ANTXR1: variants seen among roughly 807,000 people sequenced by gnomAD.
ANTXR1 encodes the protein anthrax toxin receptor 1.
ANTXR1 carries 19 observed loss-of-function variants against 78.1 expected under a neutral mutation model. The ratio of observed to expected loss-of-function variants is 0.24; its 90% confidence interval spans 0.17 to 0.36. The LOEUF (loss-of-function observed/expected upper bound fraction) is 0.36. Among genes scored for constraint, ANTXR1 ranks in the 10% least tolerant of loss-of-function variants. ANTXR1 has a pLI of 1.00. For missense variants in ANTXR1, 518 were observed against 718.6 expected, an observed-to-expected ratio of 0.72 and a Z score of 3.19; for synonymous variants, 273 against 260.5, an observed-to-expected ratio of 1.05 and a Z score of -0.46.
At chr2:69,118,759 G>GGTGCA (rs1672241303) in intron 10 of ANTXR1, among the ~76,000 whole-genome samples, 1 of 152,214 alleles carries the variant, frequency 6.6e-6, no homozygotes, top group Non-Finnish European at 1.5e-5. Flanking sequence ...CAGCAAGGAA[G>GGTGCA]GCTTTGTGCC....
At chr2:69,223,449 C>T (rs1259162709) in intron 17 of ANTXR1, among the ~76,000 whole-genome samples, 1 of 152,214 alleles carries the variant, frequency 6.6e-6, no homozygotes, top group Non-Finnish European at 1.5e-5. Context: ...AGTTTTCCTA[C>T]TTCCTTATTA....
At chr2:69,052,139 CAT>C (rs960069811) in intron 3 of ANTXR1, among the ~76,000 whole-genome samples, 3 of 152,020 alleles carry the variant, frequency 2.0e-5, no homozygotes, top group African/African-American at 4.8e-5. Flanking sequence ...ATTTTAGAAA[CAT>C]ATCAACAATA....
Position 69,170,245 on chromosome 2 carries a change from C to A in ANTXR1, c.1048-3C>A. 1 of 1,614,174 alleles carries A rather than the reference C, an allele frequency of 6.2e-7. No homozygotes were observed. The highest frequency in any genetic ancestry group is 8.5e-7 in the Non-Finnish European group (1 of 1,180,010). ...ACTGACCTGTTCTCTGTTTTCTTTTCAGATTATCAAGGAGGTCCCTCCACC... is the reference window on the plus strand; with the variant it reads ...ACTGACCTGTTCTCTGTTTTCTTTTAAGATTATCAAGGAGGTCCCTCCACC... On this transcript the variant is annotated splice_region_variant and splice_polypyrimidine_tract_variant and intron_variant, in intron 13 of 17. Coordinates refer to ENST00000303714, the MANE Select transcript of ANTXR1 (RefSeq NM_032208.3).
At chr2:69,180,617 T>C (rs1034755018) in intron 14 of ANTXR1, among the ~76,000 whole-genome samples, 1 of 152,248 alleles carries the variant, frequency 6.6e-6, no homozygotes, top group Non-Finnish European at 1.5e-5. Context: ...AGTCATCTTA[T>C]TTAACTTATT....
At position 69,111,697 on chromosome 2, in the gene ANTXR1, G is replaced by A. The variant is rs375574745; in HGVS notation, c.802+8757G>A. 2.0e-4 allele frequency among the ~76,000 whole-genome samples: 31 copies of A among 152,292 alleles called. No individual in the cohort carries two copies. In the South Asian group the frequency reaches 6.2e-3, roughly 31 times the overall value. On this transcript the variant is annotated intron_variant, in intron 10 of 17. Coordinates refer to ENST00000303714, the MANE Select transcript of ANTXR1 (RefSeq NM_032208.3). The stretch of plus-strand genomic sequence containing the variant: ...AACATATTTCCCCAAACTGAACATC[G>A]GTCAGGAAGGCAGTTCTAGGAGTTC...
At chr2:69,050,580 G>A (rs138622544) in intron 3 of ANTXR1, among the ~76,000 whole-genome samples, 56 of 151,040 alleles carry the variant, frequency 3.7e-4, no homozygotes, top group Middle Eastern at 3.4e-3. Flanking sequence ...GAGAGCAAAC[G>A]TTTGTTCAAA....
At chr2:69,109,938 A>G (rs1017931635) in intron 10 of ANTXR1, among the ~76,000 whole-genome samples, 5 of 152,216 alleles carry the variant, frequency 3.3e-5, no homozygotes, top group Non-Finnish European at 5.9e-5. Context: ...AGGGTCAATA[A>G]ACTTAGTATA....
chr2:69,219,592 A>G (rs1222801544), intron 17 of ANTXR1, among the ~76,000 whole-genome samples: 2 of 152,142 alleles, frequency 1.3e-5, no homozygotes, highest in African/African-American at 4.8e-5. Context: ...CAGGCACTAT[A>G]TTATATGCTA....
intron 16 of ANTXR1, among the ~76,000 whole-genome samples, chr2:69,183,497 G>C (rs890071767): frequency 6.6e-6 from 1 of 151,748 alleles, no homozygotes; most frequent in African/African-American, 2.4e-5. Flanking sequence ...CGACCTCCCA[G>C]GCTCAAGCCA....
intron 10 of ANTXR1, among the ~76,000 whole-genome samples, chr2:69,122,761 C>G (rs938673159): frequency 8.6e-5 from 13 of 151,990 alleles, no homozygotes; most frequent in Non-Finnish European, 1.5e-5. Flanking sequence ...CACCCCACAA[C>G]AGTCCCCGGT....
chr2:69,212,835 G>T (rs1263596238), intron 17 of ANTXR1, among the ~76,000 whole-genome samples: 9 of 151,984 alleles, frequency 5.9e-5, no homozygotes, highest in East Asian at 5.8e-4. Flanking sequence ...TTAACATGGG[G>T]TCTCACTATA....
chr2:69,026,169 T>G (rs930301976), intron 1 of ANTXR1, among the ~76,000 whole-genome samples: 29 of 152,192 alleles, frequency 1.9e-4, no homozygotes, highest in Non-Finnish European at 4.0e-4. Flanking sequence ...GAGGCAGTGT[T>G]GCCTAATGGT....
At chr2:69,034,671 A>G (rs1359264942) in intron 1 of ANTXR1, among the ~76,000 whole-genome samples, 4 of 152,158 alleles carry the variant, frequency 2.6e-5, no homozygotes, top group Non-Finnish European at 5.9e-5. Context: ...GCAGTTCTGG[A>G]AAAAAAATCT....
chr2:69,091,445 C>CAAA (rs60795933), intron 9 of ANTXR1, among the ~76,000 whole-genome samples: 11 of 62,338 alleles, frequency 1.8e-4, no homozygotes, highest in African/African-American at 6.2e-4. Context: ...GACACCATCT[C>CAAA]AAAAAAAAAA....
chr2:69,096,153 G>C (rs1183701117), intron 9 of ANTXR1, among the ~76,000 whole-genome samples: 1 of 151,742 alleles, frequency 6.6e-6, no homozygotes, highest in African/African-American at 2.4e-5. Context: ...AGCTACTCGG[G>C]AGGCTGAGGC....
In ANTXR1 at chr2:69,096,346, G is replaced by C. The variant is rs77917963; in HGVS notation, c.703+5427G>C. 3.6e-3 allele frequency among the ~76,000 whole-genome samples: 54 copies of C among 14,904 alleles called. 19 individuals are homozygous for C. The South Asian group carries it at 0.056, about 15-fold the overall frequency. The allele number at this position is 14,904 out of a possible 152,430, so 9.8% of individuals were successfully genotyped here. On this transcript the variant is annotated intron_variant, in intron 9 of 17. Transcript: ENST00000303714. Reference sequence around the variant, plus strand: ...GGAGGAAGGGAGGAAGGGAGGAAGGGAGGAAGGGAGGAAGGGAGGAAGGGA... The same window carrying C: ...GGAGGAAGGGAGGAAGGGAGGAAGGCAGGAAGGGAGGAAGGGAGGAAGGGA...
At chr2:69,195,843 A>G (rs13387834) in intron 17 of ANTXR1, among the ~76,000 whole-genome samples, 2,903 of 152,326 alleles carry the variant, frequency 0.019, 95 homozygotes, top group African/African-American at 0.066. Flanking sequence ...GATACAGTGT[A>G]TGACCCCATT....
At chr2:69,147,007 G>A (rs968717059) in intron 12 of ANTXR1, among the ~76,000 whole-genome samples, 29 of 152,250 alleles carry the variant, frequency 1.9e-4, no homozygotes, top group African/African-American at 5.1e-4. Context: ...CAGTTAGCAC[G>A]GAGTATGCCA....
rs373209514 is a variant in ANTXR1 at position 69,096,140 on chromosome 2, C to G, written c.703+5221C>G. The stretch of plus-strand genomic sequence containing the variant: ...AGGCGTGGTGGCGGGCTCCTGTAGT[C>G]CCAGCTACTCGGGAGGCTGAGGCAG... On this transcript the variant is annotated intron_variant, in intron 9 of 17. Coordinates refer to ENST00000303714, the MANE Select transcript of ANTXR1 (RefSeq NM_032208.3). 9.0e-4 allele frequency among the ~76,000 whole-genome samples: 137 copies of G among 151,844 alleles called. 1 individual carries two copies. Among genetic ancestry groups the G allele is most frequent in the South Asian group, 1.9e-3 (9 of 4,804 alleles).
Sources: gnomAD v4.1 joint callset for allele counts (sites outside exome capture counted in the v4.1 genomes callset) on GRCh38, gnomAD v4.1.1 for gene constraint, MANE v1.5 for transcripts, NCBI Gene and HGNC (gene_info 2026-07-23, HGNC 2026-07-21) for gene names.